The following NSMCE2 variants were observed in gnomAD, a reference collection of about 807,000 sequenced individuals.
NSMCE2 encodes E3 SUMO-protein ligase NSE2.
Under a neutral mutation model 23.8 loss-of-function variants are expected in NSMCE2, and 24 were observed. The observed-to-expected ratio is 1.01, with a 90% CI of 0.73 to 1.42. The LOEUF (loss-of-function observed/expected upper bound fraction) is 1.42, where lower values mean the gene tolerates loss of function less well. Ranked by LOEUF, NSMCE2 falls within the 40% of genes most tolerant of loss-of-function variation. The pLI is 0.00. For missense variants in NSMCE2, 284 were observed against 296.5 expected, an observed-to-expected ratio of 0.96 and a Z score of 0.31; for synonymous variants, 92 against 94.1, an observed-to-expected ratio of 0.98 and a Z score of 0.13.
chr8:125,150,491 T>G (rs1820947918), intron 3 of NSMCE2, among the ~76,000 whole-genome samples: 1 of 130,842 alleles, frequency 7.6e-6, no homozygotes, highest in East Asian at 2.6e-4. Context: ...TGGAGTGCAA[T>G]AGCATGATCT....
chr8:125,261,059 A>G (rs569885950), intron 5 of NSMCE2, among the ~76,000 whole-genome samples: 98 of 152,322 alleles, frequency 6.4e-4, no homozygotes, highest in Admixed American at 3.3e-3. Flanking sequence ...AGAAGCCTCG[A>G]TATTTACATT....
At chr8:125,342,740 C>T (rs1830294438) in intron 5 of NSMCE2, among the ~76,000 whole-genome samples, 1 of 152,004 alleles carries the variant, frequency 6.6e-6, no homozygotes, top group Non-Finnish European at 1.5e-5. Flanking sequence ...TCAGACAAGA[C>T]CCTGAAAACT....
intron 5 of NSMCE2, among the ~76,000 whole-genome samples, chr8:125,240,127 T>TTTC (rs1825710556): frequency 7.1e-6 from 1 of 140,426 alleles, no homozygotes; most frequent in Admixed American, 6.8e-5. Context: ...AGTTTTTCTT[T>TTTC]TTCTTTTTTT....
rs145330270 is a variant in NSMCE2, at chr8:125,250,261, G to T, written c.418+68005G>T. On this transcript the variant is annotated intron_variant, in intron 5 of 7. Coordinates refer to ENST00000287437, the MANE Select transcript of NSMCE2 (RefSeq NM_173685.4). ...TGCCTTGGCTTCCCAAAGCCACCAC[G>T]CCCAGCAACACTATTTTATATGTAT... Among the ~76,000 whole-genome samples, 19 of 151,736 alleles carry T rather than the reference G, an allele frequency of 1.3e-4. No homozygotes were observed. The East Asian group carries it at 3.3e-3, about 26-fold the overall frequency.
intron 4 of NSMCE2, among the ~76,000 whole-genome samples, chr8:125,179,837 G>A (rs1469797862): frequency 6.6e-6 from 1 of 152,120 alleles, no homozygotes; most frequent in Non-Finnish European, 1.5e-5. Flanking sequence ...TGGAACTGTG[G>A]GAATTAAGTA....
chr8:125,167,925 T>C (rs754035866), intron 4 of NSMCE2, among the ~76,000 whole-genome samples: 2 of 152,124 alleles, frequency 1.3e-5, no homozygotes, highest in Non-Finnish European at 2.9e-5. Flanking sequence ...TTGAGTGCCA[T>C]CTGGGAAACT....
chr8:125,198,055 C>G (rs774533287), intron 5 of NSMCE2, among the ~76,000 whole-genome samples: 16 of 151,994 alleles, frequency 1.1e-4, no homozygotes, highest in Admixed American at 2.6e-4. Flanking sequence ...GAGACTTTGC[C>G]GAAGTTGCTT....
intron 4 of NSMCE2, among the ~76,000 whole-genome samples, chr8:125,175,163 C>A (rs1193968313): frequency 6.6e-6 from 1 of 152,036 alleles, no homozygotes; most frequent in Non-Finnish European, 1.5e-5. Context: ...CAGTGTTGGC[C>A]TATATAAATT....
intron 5 of NSMCE2, among the ~76,000 whole-genome samples, chr8:125,273,073 A>G (rs533898337): frequency 6.6e-6 from 1 of 152,310 alleles, no homozygotes; most frequent in East Asian, 1.9e-4. Flanking sequence ...TTACTGCTTC[A>G]TAAATGGTTG....
chr8:125,172,198 C>T (rs1822252610), intron 4 of NSMCE2, among the ~76,000 whole-genome samples: 1 of 152,124 alleles, frequency 6.6e-6, no homozygotes, highest in African/African-American at 2.4e-5. Context: ...TGCCAGCCAC[C>T]CTCTGTGCTG....
At chr8:125,341,879 A>C (rs2131327635) in intron 5 of NSMCE2, among the ~76,000 whole-genome samples, 1 of 129,832 alleles carries the variant, frequency 7.7e-6, no homozygotes, top group African/African-American at 3.1e-5. Context: ...TGTGCAATGC[A>C]CTGAGGATCT....
intron 5 of NSMCE2, among the ~76,000 whole-genome samples, chr8:125,201,733 A>G (rs924498245): frequency 2.0e-5 from 3 of 152,208 alleles, no homozygotes; most frequent in African/African-American, 7.2e-5. Context: ...CAGAGCTGTC[A>G]GACAGGGACG....
Position 125,327,089 on chromosome 8 carries a change from C to T in NSMCE2, c.419-30130C>T, listed in dbSNP as rs138927640. Among the ~76,000 whole-genome samples, 454 of 150,224 alleles carry T rather than the reference C, an allele frequency of 3.0e-3. 7 individuals are homozygous for T. Among genetic ancestry groups the T allele is most frequent in the African/African-American group, 0.011 (434 of 40,896 alleles). On this transcript the variant is annotated intron_variant, in intron 5 of 7. Coordinates refer to ENST00000287437, the MANE Select transcript of NSMCE2 (RefSeq NM_173685.4). ...ACCAGCCTGTCCAACATGGTAAAAC[C>T]CCATCTCTACTAAAACTATAAAAAA...
At chr8:125,356,358 C>T (rs1463889452) in intron 5 of NSMCE2, among the ~76,000 whole-genome samples, 5 of 109,200 alleles carry the variant, frequency 4.6e-5, no homozygotes, top group Non-Finnish European at 8.5e-5. Context: ...GAGACAGAGT[C>T]TCGCTCTGTC....
intron 5 of NSMCE2, among the ~76,000 whole-genome samples, chr8:125,301,656 T>G (rs1017894931): frequency 1.4e-5 from 2 of 147,964 alleles, no homozygotes; most frequent in African/African-American, 5.0e-5. Flanking sequence ...CAAGCCATTT[T>G]TTTTTTTTTT....
chr8:125,096,083 C>A (rs1179720745), intron 1 of NSMCE2, among the ~76,000 whole-genome samples: 1 of 152,118 alleles, frequency 6.6e-6, no homozygotes, highest in Non-Finnish European at 1.5e-5. Flanking sequence ...GATGTAGGGC[C>A]TTGAGCTCCT....
intron 5 of NSMCE2, among the ~76,000 whole-genome samples, chr8:125,186,730 G>A (rs1022872533): frequency 2.0e-5 from 3 of 152,168 alleles, no homozygotes; most frequent in African/African-American, 7.2e-5. Context: ...AGATTTTGAG[G>A]CTGGGTTCAG....
At chr8:125,094,730 C>T (rs1350087566) in intron 1 of NSMCE2, among the ~76,000 whole-genome samples, 1 of 152,180 alleles carries the variant, frequency 6.6e-6, no homozygotes, top group African/African-American at 2.4e-5. Context: ...GTGAGGTTGC[C>T]AGCATAGTTG....
rs60308659 is a variant in NSMCE2 at position 125,256,922 on chromosome 8, C to CAAAAAA, written c.418+74698_418+74703dup. Among the ~76,000 whole-genome samples the CAAAAAA allele has an allele frequency of 3.8e-4, 10 of 26,064 alleles. 2 individuals carry two copies. Among genetic ancestry groups the CAAAAAA allele is most frequent in the African/African-American group, 6.6e-4 (6 of 9,088 alleles). The allele number at this position is 26,064 out of a possible 152,430, so 17.1% of individuals were successfully genotyped here. A position where few individuals can be genotyped will look rare whatever the true frequency, so the allele number is the denominator to read the frequency against. On this transcript the variant is annotated intron_variant, in intron 5 of 7. Coordinates refer to ENST00000287437, the MANE Select transcript of NSMCE2 (RefSeq NM_173685.4). ...TGGGCGACAAAGCAAGACTCTGTGTCAAAAAAAAAAAAAAAAAAAAAAAAA... is the reference window on the plus strand; with the variant it reads ...TGGGCGACAAAGCAAGACTCTGTGTCAAAAAAAAAAAAAAAAAAAAAAAAAAAAAAA...
Sources: allele counts gnomAD v4.1 joint callset (sites outside exome capture counted in the v4.1 genomes callset), GRCh38; gene constraint gnomAD v4.1.1; transcripts MANE v1.5; gene names NCBI Gene and HGNC (gene_info 2026-07-23, HGNC 2026-07-21).